The following WBP2 variants were observed in gnomAD, a reference collection of about 807,000 sequenced individuals.
WBP2 encodes WW domain-binding protein 2.
WBP2 carries 23 observed loss-of-function variants against 33.0 expected under a neutral mutation model. That is an observed-to-expected ratio of 0.70 (90% CI 0.50 to 0.99). The LOEUF is 0.99. WBP2 is among the 50% of genes least tolerant of loss of function. WBP2 has a pLI of 0.00. For synonymous variants in WBP2, 153 were observed against 133.5 expected, an observed-to-expected ratio of 1.15 and a Z score of -1.01; for missense variants, 353 against 358.0, an observed-to-expected ratio of 0.99 and a Z score of 0.11.
chr17:75,851,918 A>G, intron 1 of WBP2: 1 of 312,536 alleles, frequency 3.2e-6, no homozygotes, highest in South Asian at 3.0e-5. Context: ...CCTGGCCAAC[A>G]TGGTGAAACC....
upstream of WBP2, among the ~76,000 whole-genome samples, chr17:75,855,686 C>T (rs942015620): frequency 6.6e-6 from 1 of 152,274 alleles, no homozygotes; most frequent in African/African-American, 2.4e-5. Context: ...AGTTCCGCTC[C>T]TGGCAGGGGC....
At chr17:75,848,060 ACTCCACC>A (rs1191687342) in intron 4 of WBP2, 130 bp from the exon 5 acceptor site, 2 of 1,260,436 alleles carry the variant, frequency 1.6e-6, no homozygotes, top group East Asian at 2.5e-5. Flanking sequence ...TGTCCATCCC[ACTCCACC>A]CTCCACCCAT....
In WBP2 at chr17:75,848,638, T is replaced by C. The variant is rs1331646680; in HGVS notation, c.329A>G (p.Tyr110Cys). Reference protein sequence around the residue: ...AGGGWEGSASYKLTFTAGGAI... With the variant: ...AGGGWEGSASCKLTFTAGGAI... ...GCCCCCTGCCGTGAAAGTCAACTTGTAGGAAGCAGAGCCTTCCCAGCCACC... is the reference window on the plus strand; with the variant it reads ...GCCCCCTGCCGTGAAAGTCAACTTGCAGGAAGCAGAGCCTTCCCAGCCACC... Residue 110 changes from tyrosine to cysteine, a missense_variant, in exon 4 of 8, where the codon TAC (tyrosine) becomes TGC (cysteine). By Grantham distance (194) the Tyr-to-Cys change is radical (BLOSUM62 -2). Coordinates refer to ENST00000254806, the MANE Select transcript of WBP2 (RefSeq NM_012478.4). 8.7e-6 allele frequency: 14 copies of C among 1,613,888 alleles called. No homozygotes were observed. Among genetic ancestry groups the C allele is most frequent in the African/African-American group, 1.3e-5 (1 of 74,924 alleles).
Position 75,849,600 on chromosome 17 carries a change from C to T in WBP2, c.304+4G>A. On this transcript the variant is annotated splice_donor_region_variant and intron_variant, in intron 3 of 7. Transcript: ENST00000254806. ...ATGCGTGTCCCTGAGTTCCCATCACCTACCTCCCGCTTCCGCCTTCACTGT... is the reference window on the plus strand; with the variant it reads ...ATGCGTGTCCCTGAGTTCCCATCACTTACCTCCCGCTTCCGCCTTCACTGT... 1 of 1,613,974 alleles carries T rather than the reference C, an allele frequency of 6.2e-7. No homozygotes were observed. The highest frequency in any genetic ancestry group is 8.5e-7 in the Non-Finnish European group (1 of 1,179,864).
chr17:75,850,245 C>T (rs1213675396), intron 2 of WBP2, among the ~76,000 whole-genome samples: 3 of 150,448 alleles, frequency 2.0e-5, no homozygotes, highest in African/African-American at 2.4e-5. Flanking sequence ...TTTTTCTTTT[C>T]TTTTCTTTTT....
chr17:75,846,524 C>T lies in WBP2; in HGVS notation c.*210G>A. ...GGTGAGGGAGGTACGCTGGGCAGCACTGTGGGCTCCGGGCTGGCATGGGAA... is the reference window on the plus strand; with the variant it reads ...GGTGAGGGAGGTACGCTGGGCAGCATTGTGGGCTCCGGGCTGGCATGGGAA... On this transcript the variant is annotated 3_prime_UTR_variant, in exon 8 of 8. Coordinates refer to ENST00000254806, the MANE Select transcript of WBP2 (RefSeq NM_012478.4). The surrounding 1 kb of genome is among the most constrained non-coding windows in gnomAD (Gnocchi z 4.8). 1 of 648,992 alleles carries T rather than the reference C, an allele frequency of 1.5e-6. No homozygotes were observed. The allele number at this position is 648,992 out of a possible 1,614,324, so 40.2% of individuals were successfully genotyped here. A position where few individuals can be genotyped will look rare whatever the true frequency, so the allele number is the denominator to read the frequency against.
intron 4 of WBP2, 64 bp from the exon 5 acceptor site, chr17:75,847,994 C>T (rs1029182831): frequency 1.5e-5 from 23 of 1,545,080 alleles, no homozygotes; most frequent in East Asian, 7.3e-5. Flanking sequence ...AGGGCAGCCC[C>T]GCTGCCTGCA....
intron 1 of WBP2, chr17:75,852,281 A>C (rs2143930686): frequency 1.3e-5 from 2 of 152,220 alleles, no homozygotes; most frequent in Middle Eastern, 3.4e-3. Flanking sequence ...CAACAAAAAA[A>C]CCCATTAATA....
chr17:75,849,482 TG>T, intron 3 of WBP2, 121 bp downstream of exon 3: 1 of 1,288,614 alleles, frequency 7.8e-7, no homozygotes, highest in Non-Finnish European at 1.1e-6. Context: ...AGCCCAGAGC[TG>T]GGAAGAGGTC....
intron 6 of WBP2, 57 bp downstream of exon 6, chr17:75,847,430 G>A (rs753258663): frequency 1.0e-4 from 162 of 1,562,260 alleles, no homozygotes; most frequent in Non-Finnish European, 1.3e-4. Flanking sequence ...CTCTCTGTGC[G>A]ACATCGGGGA....
intron 6 of WBP2, 161 bp downstream of exon 6, chr17:75,847,326 C>T: frequency 8.3e-7 from 1 of 1,209,614 alleles, no homozygotes; most frequent in Non-Finnish European, 1.2e-6. Flanking sequence ...GAATCTAGCT[C>T]CGCTCCACCA....
At chr17:75,848,448 C>T (rs2065008502) in intron 4 of WBP2, 122 bp downstream of exon 4, 2 of 894,398 alleles carry the variant, frequency 2.2e-6, no homozygotes, top group African/African-American at 1.6e-5. Flanking sequence ...GCCTGGTCAG[C>T]CTGGTGCCCA....
chr17:75,847,016 C>T (rs748989541), intron 6 of WBP2, 32 bp from the exon 7 acceptor site: 2 of 1,613,400 alleles, frequency 1.2e-6, no homozygotes, highest in South Asian at 1.1e-5. Flanking sequence ...GTGTCGGTGA[C>T]AAGTTCTCCT....
intron 3 of WBP2, 47 bp downstream of exon 3, chr17:75,849,557 C>T: frequency 1.9e-6 from 3 of 1,609,594 alleles, no homozygotes; most frequent in African/African-American, 1.3e-5. Context: ...GTTCCCAGGA[C>T]ACCTCCCTGC....
intron 1 of WBP2, 114 bp downstream of exon 1, chr17:75,855,125 T>A: frequency 4.3e-5 from 13 of 304,062 alleles, no homozygotes; most frequent in Non-Finnish European, 5.1e-5. Context: ...CCCACCAACC[T>A]CACTCCATCA....
rs1180279108 is a variant in WBP2 at position 75,846,292 on chromosome 17, GC to G, written c.*441del. Reference sequence around the variant, plus strand: ...GGCCTTCTGAGACCAGCACAGACCAGCAGAGGGAATGTGAGCAGGGTCTGGC... The same window carrying G: ...GGCCTTCTGAGACCAGCACAGACCAGAGAGGGAATGTGAGCAGGGTCTGGC... On this transcript the variant is annotated 3_prime_UTR_variant, in exon 8 of 8. Coordinates refer to ENST00000254806, the MANE Select transcript of WBP2 (RefSeq NM_012478.4). The surrounding 1 kb of genome is among the most constrained non-coding windows in gnomAD (Gnocchi z 4.8). 4.5e-6 allele frequency: 1 copy of G among 223,400 alleles called. No homozygotes were observed. Among genetic ancestry groups the G allele is most frequent in the Non-Finnish European group, 9.2e-6 (1 of 108,254 alleles). 13.8% of individuals were successfully genotyped at this position (223,400 alleles called of 1,614,324 possible).
intron 6 of WBP2, 139 bp from the exon 7 acceptor site, chr17:75,847,123 C>G (rs982672434): frequency 7.6e-6 from 7 of 926,348 alleles, no homozygotes; most frequent in Non-Finnish European, 1.2e-5. Context: ...GGTGAGGTTT[C>G]CTGAGCACAT....
At chr17:75,854,952 C>G (rs2065048597) in intron 1 of WBP2, among the ~76,000 whole-genome samples, 1 of 152,162 alleles carries the variant, frequency 6.6e-6, no homozygotes, top group Admixed American at 6.5e-5. Flanking sequence ...CTACTGAAAT[C>G]ACAAGTCTGG....
intron 2 of WBP2, 141 bp from the exon 3 acceptor site, chr17:75,849,880 C>CTGTGCTCTCT: frequency 8.3e-7 from 1 of 1,208,976 alleles, no homozygotes; most frequent in East Asian, 2.5e-5. Flanking sequence ...GCCAGACACT[C>CTGTGCTCTCT]CTGGAGAGAG....
Sources: gnomAD v4.1 joint callset for allele counts (sites outside exome capture counted in the v4.1 genomes callset) on GRCh38, gnomAD v4.1.1 for gene constraint, Gnocchi (gnomAD v3.1) non-coding constraint, MANE v1.5 for transcripts, NCBI Gene and HGNC (gene_info 2026-07-23, HGNC 2026-07-21) for gene names.